SPIDR: variants seen among roughly 807,000 people sequenced by gnomAD.
The protein encoded by SPIDR is DNA repair-scaffolding protein.
Under a neutral mutation model 104.6 loss-of-function variants are expected in SPIDR, and 93 were observed. The ratio of observed to expected loss-of-function variants is 0.89; its 90% CI spans 0.75 to 1.06. SPIDR has a LOEUF of 1.06. Among genes scored for constraint, SPIDR ranks in the 50% least tolerant of loss-of-function variants. SPIDR has a pLI of 0.00. For synonymous variants in SPIDR, 431 were observed against 416.9 expected (o/e 1.03, Z -0.41); for missense variants, 1,154 against 1,111.2 (o/e 1.04, Z -0.55).
intron 10 of SPIDR, among the ~76,000 whole-genome samples, chr8:47,650,981 C>A (rs1007187416): frequency 6.6e-5 from 10 of 152,100 alleles, no homozygotes; most frequent in Non-Finnish European, 1.2e-4. Flanking sequence ...AAATCTAAGA[C>A]CTGAAACCAT....
intron 1 of SPIDR, among the ~76,000 whole-genome samples, chr8:47,274,641 G>T (rs2036008358): frequency 6.6e-6 from 1 of 150,708 alleles, no homozygotes; most frequent in Non-Finnish European, 1.5e-5. Flanking sequence ...CCAGTTGCGC[G>T]ATTTTGGCTC....
At chr8:47,306,295 C>A (rs2043083842) in intron 5 of SPIDR, among the ~76,000 whole-genome samples, 1 of 152,040 alleles carries the variant, frequency 6.6e-6, no homozygotes, top group Non-Finnish European at 1.5e-5. Flanking sequence ...CGCACGCCAC[C>A]ACGCCTAGCT....
In SPIDR at chr8:47,396,685, A is replaced by T. The variant is rs1351686343; in HGVS notation, c.776+59A>T. 2.0e-6 allele frequency: 3 copies of T among 1,463,654 alleles called. No homozygotes were observed. The African/African-American group carries it at 4.3e-5, about 21-fold the overall frequency. The allele number at this position is 1,463,654 out of a possible 1,614,324, so 90.7% of individuals were successfully genotyped here. On this transcript the variant is annotated intron_variant, in intron 6 of 19. Coordinates refer to ENST00000297423, the MANE Select transcript of SPIDR (RefSeq NM_001080394.4). ...ATTTTTCTCTTTCTTTAAAAACCCA[A>T]ATATCTAAAATGTTAATTTTAAGAT...
intron 10 of SPIDR, among the ~76,000 whole-genome samples, chr8:47,672,926 A>C (rs887257833): frequency 1.3e-5 from 2 of 152,322 alleles, no homozygotes; most frequent in Non-Finnish European, 2.9e-5. Context: ...TTCATTAAGG[A>C]GTCTACAGTT....
chr8:47,621,688 G>A (rs2065194404), intron 10 of SPIDR, among the ~76,000 whole-genome samples: 2 of 152,222 alleles, frequency 1.3e-5, no homozygotes, highest in African/African-American at 4.8e-5. Context: ...TAAGTTGAGT[G>A]CCTAGACTAC....
chr8:47,606,052 A>G (rs1391500132), intron 10 of SPIDR, among the ~76,000 whole-genome samples: 1 of 152,176 alleles, frequency 6.6e-6, no homozygotes, highest in Non-Finnish European at 1.5e-5. Context: ...TACTTTGGAA[A>G]AGAAGCATTT....
rs1395596090 is a variant in SPIDR at position 47,291,015 on chromosome 8, T to A, written c.257-18T>A. Reference sequence around the variant, plus strand: ...ATATAAGGAGATCATATTTATGTGCTTTCTTTTCCTTCAACAGAAACCACC... The same window carrying A: ...ATATAAGGAGATCATATTTATGTGCATTCTTTTCCTTCAACAGAAACCACC... On this transcript the variant is annotated intron_variant, in intron 3 of 19. Coordinates refer to ENST00000297423, the MANE Select transcript of SPIDR (RefSeq NM_001080394.4). 1.3e-6 allele frequency: 2 copies of A among 1,586,002 alleles called. No individual in the cohort carries two copies. The highest frequency in any genetic ancestry group is 1.7e-6 in the Non-Finnish European group (2 of 1,159,130).
intron 7 of SPIDR, chr8:47,419,202 C>T (rs1263504511): frequency 6.6e-6 from 1 of 152,200 alleles, no homozygotes; most frequent in Non-Finnish European, 1.5e-5. Flanking sequence ...GATACCAGCT[C>T]CTCCTTGTAT....
chr8:47,661,895 G>C (rs1334448167), intron 10 of SPIDR, among the ~76,000 whole-genome samples: 5 of 152,214 alleles, frequency 3.3e-5, no homozygotes. Flanking sequence ...CTGCTGGTTT[G>C]AGTCACATTC....
At chr8:47,428,454 A>C (rs1179387248) in intron 7 of SPIDR, among the ~76,000 whole-genome samples, 1 of 152,212 alleles carries the variant, frequency 6.6e-6, no homozygotes, top group Non-Finnish European at 1.5e-5. Flanking sequence ...GTTAGAAAAT[A>C]CATATGATCT....
At chr8:47,369,907 ATTTT>A (rs1344035328) in intron 5 of SPIDR, among the ~76,000 whole-genome samples, 1 of 150,426 alleles carries the variant, frequency 6.6e-6, no homozygotes. Context: ...GTTTGTCTGG[ATTTT>A]TTTTTGTTTT....
At chr8:47,708,769 A>C (rs1040185285) in intron 14 of SPIDR, among the ~76,000 whole-genome samples, 5 of 152,170 alleles carry the variant, frequency 3.3e-5, no homozygotes, top group African/African-American at 1.2e-4. Context: ...GGAATCTTAG[A>C]GTCTGTAGCC....
At chr8:47,695,719 C>A (rs2079236955) in intron 11 of SPIDR, among the ~76,000 whole-genome samples, 2 of 152,194 alleles carry the variant, frequency 1.3e-5, no homozygotes, top group African/African-American at 4.8e-5. Flanking sequence ...GAGTGGAAAT[C>A]TTGGTTGCCC....
intron 7 of SPIDR, among the ~76,000 whole-genome samples, chr8:47,421,377 T>C (rs531159773): frequency 2.6e-5 from 4 of 152,344 alleles, no homozygotes; most frequent in African/African-American, 7.2e-5. Flanking sequence ...CCATCACTGA[T>C]ACCCTTTCTT....
At chr8:47,627,779 C>A (rs928394615) in intron 10 of SPIDR, among the ~76,000 whole-genome samples, 3 of 152,148 alleles carry the variant, frequency 2.0e-5, no homozygotes, top group African/African-American at 4.8e-5. Flanking sequence ...CCCGCCGGTT[C>A]ATTCACTGAG....
At chr8:47,735,173 C>A in intron 19 of SPIDR, 134 bp from the exon 20 acceptor site, 1 of 760,222 alleles carries the variant, frequency 1.3e-6, no homozygotes. Flanking sequence ...TACCACTGTT[C>A]TCAGCCATTT....
At chr8:47,473,719 G>A (rs1311030638) in intron 8 of SPIDR, among the ~76,000 whole-genome samples, 4 of 152,130 alleles carry the variant, frequency 2.6e-5, no homozygotes, top group East Asian at 1.9e-4. Context: ...TGGCTTAAAT[G>A]GAAATCTTGG....
chr8:47,702,641 C>T (rs887575284), intron 14 of SPIDR, among the ~76,000 whole-genome samples: 2 of 152,174 alleles, frequency 1.3e-5, no homozygotes, highest in African/African-American at 2.4e-5. Context: ...TGCTAGAAAC[C>T]TCTGCCAGCC....
intron 10 of SPIDR, among the ~76,000 whole-genome samples, chr8:47,668,537 C>A (rs1396999897): frequency 1.3e-5 from 2 of 151,050 alleles, no homozygotes; most frequent in African/African-American, 4.9e-5. Flanking sequence ...CTACAAAAAA[C>A]CAAAAATGAA....
Sources: gnomAD v4.1 joint callset for allele counts (sites outside exome capture counted in the v4.1 genomes callset) on GRCh38, gnomAD v4.1.1 for gene constraint, MANE v1.5 for transcripts, NCBI Gene and HGNC (gene_info 2026-07-23, HGNC 2026-07-21) for gene names.